The following DOCK2 variants were observed in gnomAD, a reference collection of about 807,000 sequenced individuals.
The protein encoded by DOCK2 is dedicator of cytokinesis protein 2.
DOCK2 carries 87 observed loss-of-function variants against 248.9 expected under a neutral mutation model. The observed-to-expected ratio is 0.35, with a 90% CI of 0.29 to 0.42. DOCK2 has a LOEUF of 0.42. Ranked by LOEUF, DOCK2 falls within the 10% of genes least tolerant of loss-of-function variation. The pLI is 1.00. For missense variants in DOCK2, 1,747 were observed against 2,300.2 expected (o/e 0.76, Z 4.92); for synonymous variants, 805 against 821.6 (o/e 0.98, Z 0.35).
chr5:169,725,732 C>T (rs1039944025), intron 22 of DOCK2, among the ~76,000 whole-genome samples: 4 of 151,720 alleles, frequency 2.6e-5, no homozygotes, highest in Non-Finnish European at 5.9e-5. Flanking sequence ...GTTCACCTCT[C>T]ACCTATGAGT....
At chr5:170,036,828 T>C (rs1756339993) in intron 36 of DOCK2, among the ~76,000 whole-genome samples, 1 of 152,226 alleles carries the variant, frequency 6.6e-6, no homozygotes, top group African/African-American at 2.4e-5. Context: ...ACTTTGTGAT[T>C]TGAACTGTTG....
At chr5:169,900,619 C>T (rs1253923049) in intron 27 of DOCK2, among the ~76,000 whole-genome samples, 1 of 152,182 alleles carries the variant, frequency 6.6e-6, no homozygotes, top group Non-Finnish European at 1.5e-5. Flanking sequence ...AGTATTGACT[C>T]CTTCATGCAC....
chr5:169,980,746 C>A (rs1378103144), intron 27 of DOCK2: 1 of 152,150 alleles, frequency 6.6e-6, no homozygotes, highest in African/African-American at 2.4e-5. Context: ...TTAGCAGTGA[C>A]GGCGGTGTTC....
intron 27 of DOCK2, among the ~76,000 whole-genome samples, chr5:169,947,189 G>C (rs1330594013): frequency 6.6e-6 from 1 of 152,236 alleles, no homozygotes; most frequent in Admixed American, 6.5e-5. Flanking sequence ...GCTGTGATAT[G>C]AACTCAAGCA....
intron 30 of DOCK2, among the ~76,000 whole-genome samples, chr5:170,005,442 G>A (rs1754992184): frequency 6.6e-6 from 1 of 152,102 alleles, no homozygotes; most frequent in Non-Finnish European, 1.5e-5. Flanking sequence ...AGAAGACAGG[G>A]CATACAAATA....
chr5:169,881,626 T>C (rs1772660539), intron 27 of DOCK2, among the ~76,000 whole-genome samples: 1 of 152,170 alleles, frequency 6.6e-6, no homozygotes, highest in African/African-American at 2.4e-5. Context: ...TAGAAGGCTT[T>C]ATACGTGTTA....
chr5:169,724,028 A>T (rs1762343848), intron 22 of DOCK2, among the ~76,000 whole-genome samples: 1 of 152,222 alleles, frequency 6.6e-6, no homozygotes, highest in South Asian at 2.1e-4. Context: ...TCACACAGCT[A>T]AGAAATATAG....
chr5:169,893,843 T>A (rs538286401), intron 27 of DOCK2, among the ~76,000 whole-genome samples: 55 of 152,180 alleles, frequency 3.6e-4, no homozygotes, highest in Non-Finnish European at 6.3e-4. Context: ...AGGGATCCAG[T>A]TGGAATGGAA....
chr5:169,899,003 G>A (rs1773771560), intron 27 of DOCK2, among the ~76,000 whole-genome samples: 1 of 152,166 alleles, frequency 6.6e-6, no homozygotes, highest in Non-Finnish European at 1.5e-5. Flanking sequence ...AACAGGTCTG[G>A]TTTCAAACCT....
chr5:169,750,185 GA>G (rs1741341005), intron 23 of DOCK2, among the ~76,000 whole-genome samples: 1 of 152,222 alleles, frequency 6.6e-6, no homozygotes, highest in South Asian at 2.1e-4. Flanking sequence ...GAGAAGAATG[GA>G]AGAGGGAATA....
chr5:170,051,227 A>G (rs749250153), intron 41 of DOCK2, among the ~76,000 whole-genome samples: 1 of 152,214 alleles, frequency 6.6e-6, no homozygotes, highest in South Asian at 2.1e-4. Flanking sequence ...AAATGACGCC[A>G]TATTGCCATC....
intron 1 of DOCK2, among the ~76,000 whole-genome samples, chr5:169,647,330 G>T (rs1757524044): frequency 6.6e-6 from 1 of 151,994 alleles, no homozygotes; most frequent in Non-Finnish European, 1.5e-5. Flanking sequence ...TGATAGATGG[G>T]TGAGTGGATG....
intron 25 of DOCK2, among the ~76,000 whole-genome samples, chr5:169,775,307 A>G (rs1016798538): frequency 6.6e-6 from 1 of 152,198 alleles, no homozygotes; most frequent in Admixed American, 6.5e-5. Context: ...CAGCTCTGGG[A>G]GGAGAGACTA....
At chr5:170,000,459 G>A (rs554447698) in intron 30 of DOCK2, 3 of 152,306 alleles carry the variant, frequency 2.0e-5, no homozygotes, top group African/African-American at 7.2e-5. Context: ...TGTCTGCAAA[G>A]CACATCCTCT....
At chr5:169,844,484 C>T (rs769453288) in intron 27 of DOCK2, among the ~76,000 whole-genome samples, 11 of 152,164 alleles carry the variant, frequency 7.2e-5, no homozygotes, top group Admixed American at 1.3e-4. Flanking sequence ...CTTGGCTCAC[C>T]GCCCAGCCTT....
At chr5:170,052,762 A>T (rs1756964115) in intron 41 of DOCK2, among the ~76,000 whole-genome samples, 1 of 152,216 alleles carries the variant, frequency 6.6e-6, no homozygotes. Flanking sequence ...TAGGCATTTT[A>T]CACGCATTGT....
chr5:170,004,811 G>T (rs539077149), intron 30 of DOCK2, among the ~76,000 whole-genome samples: 1 of 148,168 alleles, frequency 6.7e-6, no homozygotes, highest in African/African-American at 2.5e-5. Context: ...GTAAACTATC[G>T]CAAGAACAAA....
intron 25 of DOCK2, among the ~76,000 whole-genome samples, chr5:169,779,046 G>C (rs757879938): frequency 5.3e-5 from 8 of 152,058 alleles, no homozygotes; most frequent in Admixed American, 1.3e-4. Flanking sequence ...TGGGGACAGG[G>C]GATATATGGG....
chr5:170,007,800 G>A (rs1755101843), intron 30 of DOCK2, among the ~76,000 whole-genome samples: 1 of 152,180 alleles, frequency 6.6e-6, no homozygotes, highest in African/African-American at 2.4e-5. Flanking sequence ...AGCAGGGGCT[G>A]TAACTGAAAC....
Sources: gnomAD v4.1 joint callset for allele counts (sites outside exome capture counted in the v4.1 genomes callset) on GRCh38, gnomAD v4.1.1 for gene constraint, MANE v1.5 for transcripts, NCBI Gene and HGNC (gene_info 2026-07-23, HGNC 2026-07-21) for gene names.